Variants in THSD7B observed in about 807,000 individuals in gnomAD.
The protein encoded by THSD7B is thrombospondin type 1 domain containing 7B.
Under a neutral mutation model 213.6 loss-of-function variants are expected in THSD7B, and 138 were observed. The ratio of observed to expected loss-of-function variants is 0.65; its 90% CI spans 0.56 to 0.74. The LOEUF (loss-of-function observed/expected upper bound fraction) is 0.74. Ranked by LOEUF, THSD7B falls within the 30% of genes least tolerant of loss-of-function variation. The probability of loss-of-function intolerance (pLI) is 0.00; values close to 1 mark genes in which losing one functional copy is unlikely to be tolerated. For missense variants in THSD7B, 1,931 were observed against 1,991.5 expected, an observed-to-expected ratio of 0.97 and a Z score of 0.58; for synonymous variants, 742 against 687.0, an observed-to-expected ratio of 1.08 and a Z score of -1.25.
chr2:136,774,515 A>C (rs923064196), intron 1 of THSD7B, among the ~76,000 whole-genome samples: 7 of 152,124 alleles, frequency 4.6e-5, no homozygotes, highest in African/African-American at 1.7e-4. Context: ...CAACATATAA[A>C]AAAAGTCCTG....
chr2:137,275,625 A>T (rs537921231), intron 11 of THSD7B, among the ~76,000 whole-genome samples: 1 of 151,320 alleles, frequency 6.6e-6, no homozygotes, highest in Non-Finnish European at 1.5e-5. Flanking sequence ...AATGTTTATT[A>T]TTGCCACTTT....
chr2:137,550,003 G>A (rs147643572), intron 15 of THSD7B, among the ~76,000 whole-genome samples: 4 of 152,008 alleles, frequency 2.6e-5, no homozygotes, highest in East Asian at 1.9e-4. Context: ...TCCCTGGCAC[G>A]CCGTGAACAA....
At chr2:137,549,881 AT>A (rs142624172) in intron 15 of THSD7B, among the ~76,000 whole-genome samples, 11,174 of 151,856 alleles carry the variant, frequency 0.074, 447 homozygotes, top group African/African-American at 0.089. Context: ...CTCTTCCAAT[AT>A]TTTTCTGAGA....
chr2:136,903,991 G>T (rs1193683842), intron 2 of THSD7B, among the ~76,000 whole-genome samples: 1 of 149,426 alleles, frequency 6.7e-6, no homozygotes, highest in African/African-American at 2.5e-5. Context: ...TTTCTGAGCT[G>T]GGCCGGCAGC....
Position 137,026,907 on chromosome 2 carries a change from A to G in THSD7B, c.140-29513A>G, listed in dbSNP as rs140878504. On this transcript the variant is annotated intron_variant, in intron 2 of 27. Transcript: ENST00000409968. ...TTTCCCCTGAGGTTTTCAGTTTTTC[A>G]TAATACATTGGAAAAGGCAGCAGCC... is the stretch of plus-strand genomic sequence containing the variant. Among the ~76,000 whole-genome samples the G allele has an allele frequency of 7.9e-5, 12 of 152,202 alleles. No individual in the cohort carries two copies. In the East Asian group the frequency reaches 1.2e-3, roughly 15 times the overall value.
At chr2:137,011,392 A>C (rs572255737) in intron 2 of THSD7B, among the ~76,000 whole-genome samples, 1 of 152,152 alleles carries the variant, frequency 6.6e-6, no homozygotes, top group Non-Finnish European at 1.5e-5. Context: ...AGGGTTTCTG[A>C]AACTTAGCTG....
intron 1 of THSD7B, among the ~76,000 whole-genome samples, chr2:136,877,331 G>T (rs1325854833): frequency 6.6e-6 from 1 of 152,104 alleles, no homozygotes; most frequent in Non-Finnish European, 1.5e-5. Context: ...TTGGATGTTT[G>T]CTCTAAGGAA....
intron 2 of THSD7B, among the ~76,000 whole-genome samples, chr2:136,932,489 T>C (rs1684647579): frequency 6.9e-6 from 1 of 144,760 alleles, no homozygotes; most frequent in South Asian, 2.2e-4. Flanking sequence ...TAATAGGCTA[T>C]GGTTGACAGG....
intron 1 of THSD7B, among the ~76,000 whole-genome samples, chr2:136,822,442 G>T (rs1682580663): frequency 6.6e-6 from 1 of 152,192 alleles, no homozygotes. Flanking sequence ...CTCTGAAGGA[G>T]AAATCACTGT....
intron 9 of THSD7B, among the ~76,000 whole-genome samples, chr2:137,233,500 T>C (rs1224990088): frequency 6.6e-6 from 1 of 152,172 alleles, no homozygotes; most frequent in African/African-American, 2.4e-5. Flanking sequence ...TGCTTTGAAA[T>C]ATAGGGTTGT....
chr2:137,328,202 A>T (rs1024622136), intron 12 of THSD7B, among the ~76,000 whole-genome samples: 2 of 152,210 alleles, frequency 1.3e-5, no homozygotes, highest in African/African-American at 4.8e-5. Flanking sequence ...AACTGAAAAT[A>T]TGGCTAATAT....
intron 20 of THSD7B, among the ~76,000 whole-genome samples, chr2:137,633,985 C>T (rs1426397051): frequency 6.6e-6 from 1 of 152,020 alleles, no homozygotes; most frequent in Non-Finnish European, 1.5e-5. Flanking sequence ...GTTAGTATTC[C>T]TTTGCTTCTT....
chr2:136,840,475 G>A (rs1010745248), intron 1 of THSD7B, among the ~76,000 whole-genome samples: 3 of 152,150 alleles, frequency 2.0e-5, no homozygotes, highest in Admixed American at 6.6e-5. Flanking sequence ...GTTGGAAGTT[G>A]GAGAACAGCT....
At chr2:137,631,987 T>C (rs1441861677) in intron 20 of THSD7B, among the ~76,000 whole-genome samples, 1 of 152,184 alleles carries the variant, frequency 6.6e-6, no homozygotes, top group Non-Finnish European at 1.5e-5. Context: ...TCAACAGTAC[T>C]ATGAAGAATA....
At chr2:137,262,738 A>G (rs918876914) in intron 10 of THSD7B, among the ~76,000 whole-genome samples, 2 of 151,786 alleles carry the variant, frequency 1.3e-5, no homozygotes, top group African/African-American at 4.8e-5. Flanking sequence ...TGCATAAGAA[A>G]CTCTTCTTTA....
In THSD7B at chr2:137,667,758, T is replaced by C. The variant is rs763252130; in HGVS notation, c.4652-16T>C. 81 of 1,589,094 alleles carry C rather than the reference T, an allele frequency of 5.1e-5. No homozygotes were observed. The highest frequency in any genetic ancestry group is 6.7e-5 in the Non-Finnish European group (78 of 1,165,646). ...TCTGTATGCTAAGCTTCTTATGTTA[T>C]CTCTATTTTAAACAGATGGCCGAGT... is the stretch of plus-strand genomic sequence containing the variant. On this transcript the variant is annotated splice_polypyrimidine_tract_variant and intron_variant, in intron 26 of 27. Coordinates refer to ENST00000409968, the MANE Select transcript of THSD7B (RefSeq NM_001316349.2).
At chr2:137,147,654 G>A (rs924878901) in intron 5 of THSD7B, among the ~76,000 whole-genome samples, 7 of 151,902 alleles carry the variant, frequency 4.6e-5, no homozygotes, top group African/African-American at 9.7e-5. Context: ...ACAGATTTCC[G>A]TTCAGATACT....
intron 27 of THSD7B, among the ~76,000 whole-genome samples, chr2:137,673,623 C>T (rs1683629150): frequency 6.6e-6 from 1 of 152,198 alleles, no homozygotes; most frequent in African/African-American, 2.4e-5. Flanking sequence ...GCCAGAGGTT[C>T]TAAAGACAAG....
intron 17 of THSD7B, among the ~76,000 whole-genome samples, chr2:137,573,139 G>A (rs1016993417): frequency 6.6e-6 from 1 of 151,364 alleles, no homozygotes; most frequent in African/African-American, 2.4e-5. Context: ...CACAACAGGA[G>A]TATGGCAAAA....
Sources: allele counts gnomAD v4.1 joint callset (sites outside exome capture counted in the v4.1 genomes callset), GRCh38; gene constraint gnomAD v4.1.1; transcripts MANE v1.5; gene names NCBI Gene and HGNC (gene_info 2026-07-23, HGNC 2026-07-21).